The following ATP11A variants were observed in gnomAD, a reference collection of about 807,000 sequenced individuals.
The protein encoded by ATP11A is phospholipid-transporting ATPase IH.
In ATP11A, 81 loss-of-function variants were observed where a neutral mutation model predicts 154.4. The observed-to-expected ratio is 0.52, with a 90% CI of 0.44 to 0.63. ATP11A has a LOEUF of 0.63. Among genes scored for constraint, ATP11A ranks in the 30% least tolerant of loss-of-function variants. ATP11A has a pLI of 0.00. For missense variants in ATP11A, 1,316 were observed against 1,474.3 expected (o/e 0.89, Z 1.76); for synonymous variants, 623 against 585.9 (o/e 1.06, Z -0.91).
intron 2 of ATP11A, among the ~76,000 whole-genome samples, chr13:112,793,067 AC>A (rs1566490813): frequency 6.6e-6 from 1 of 152,198 alleles, no homozygotes; most frequent in Non-Finnish European, 1.5e-5. Context: ...CTGTGAGCCC[AC>A]CAATACTGAT....
rs150880558 is a variant in ATP11A at position 112,715,029 on chromosome 13, T to C, written c.39+24574T>C. On this transcript the variant is annotated intron_variant, in intron 1 of 29. Transcript: ENST00000375645. ...AAATGAGTGACTCACACAGGATTTG[T>C]CCTTTTGTGACCAGCTCATTTCACT... Among the ~76,000 whole-genome samples the C allele has an allele frequency of 9.5e-4, 145 of 152,306 alleles. 1 individual carries two copies. Among genetic ancestry groups the C allele is most frequent in the African/African-American group, 3.2e-3 (134 of 41,564 alleles).
rs113699289 is a variant in ATP11A, at chr13:112,754,291, G to A, written c.40-30844G>A. The stretch of plus-strand genomic sequence containing the variant: ...TCTGCAATCTGCCCCTTAGTGCCTC[G>A]GCTGATTCTTGGTCTTTGGAGACCT... On this transcript the variant is annotated intron_variant, in intron 1 of 29. Transcript: ENST00000375645. This position sits in a 1 kb window ranked among gnomAD's most constrained non-coding sequence, Gnocchi z 5.3. 0.014 allele frequency among the ~76,000 whole-genome samples: 2,117 copies of A among 152,188 alleles called. 45 individuals carry two copies. Among genetic ancestry groups the A allele is most frequent in the African/African-American group, 0.04 (1,645 of 41,520 alleles).
rs922027369 is a variant in ATP11A at position 112,842,325 on chromosome 13, A to G, written c.1755A>G (p.Arg585=). 4.8e-5 allele frequency: 77 copies of G among 1,611,922 alleles called. No individual in the cohort carries two copies. Among genetic ancestry groups the G allele is most frequent in the Non-Finnish European group, 6.2e-5 (73 of 1,179,126 alleles). The change falls in exon 17 of 30, where the codon CGA becomes CGG. Residue 585 remains arginine, a synonymous_variant. Coordinates refer to ENST00000375645, the MANE Select transcript of ATP11A (RefSeq NM_015205.3). ...GAGCAGATTCTTCGATATTCCCCCG[A>G]GTGATAGAAGGCAAAGTTGACCAGA... The part of the protein sequence containing the change: ...CKGADSSIFP[R]VIEGKVDQIR...
Position 112,759,779 on chromosome 13 carries a change from C to T in ATP11A, c.40-25356C>T, listed in dbSNP as rs184071595. Among the ~76,000 whole-genome samples, 17 of 152,176 alleles carry T rather than the reference C, an allele frequency of 1.1e-4. No homozygotes were observed. In the East Asian group the frequency reaches 3.1e-3, roughly 28 times the overall value. ...CCAAGAAGACAGAATGAAGTCAATT[C>T]CGAAATGGCAAATTCTTCTGTTTAT... On this transcript the variant is annotated intron_variant, in intron 1 of 29. Transcript: ENST00000375645.
chr13:112,796,639 G>A (rs1301895986), intron 2 of ATP11A, among the ~76,000 whole-genome samples: 1 of 152,190 alleles, frequency 6.6e-6, no homozygotes, highest in African/African-American at 2.4e-5. Context: ...GAACAGTAAG[G>A]TAATAAATTT....
At chr13:112,879,991 T>C (rs901889244) in intron 29 of ATP11A, among the ~76,000 whole-genome samples, 1 of 152,246 alleles carries the variant, frequency 6.6e-6, no homozygotes, top group African/African-American at 2.4e-5. Context: ...TGTTTCCTAC[T>C]TCTCCTCACC....
intron 1 of ATP11A, among the ~76,000 whole-genome samples, chr13:112,779,494 GTAAT>G (rs1594660575): frequency 1.3e-5 from 2 of 152,288 alleles, no homozygotes; most frequent in East Asian, 3.9e-4. Flanking sequence ...TTTAAAAAAA[GTAAT>G]TAATTATTGT....
chr13:112,834,501 A>G (rs945937472), intron 14 of ATP11A, 88 bp from the exon 15 acceptor site: 5 of 833,250 alleles, frequency 6.0e-6, no homozygotes, highest in Middle Eastern at 2.3e-4. Flanking sequence ...TTTGAAAAGA[A>G]CGCTTTACCA....
chr13:112,762,994 A>G lies in ATP11A; in HGVS notation c.40-22141A>G, dbSNP rs78208055. 8.2e-3 allele frequency among the ~76,000 whole-genome samples: 1,245 copies of G among 152,298 alleles called. 19 individuals carry two copies. The highest frequency in any genetic ancestry group is 0.042 in the East Asian group (219 of 5,186). On this transcript the variant is annotated intron_variant, in intron 1 of 29. Coordinates refer to ENST00000375645, the MANE Select transcript of ATP11A (RefSeq NM_015205.3). ...ACCATTCTTCAGTTTGCCCCATTTTATGCCTTTAATTTCAAAAAGCATTTG... is the reference window on the plus strand; with the variant it reads ...ACCATTCTTCAGTTTGCCCCATTTTGTGCCTTTAATTTCAAAAAGCATTTG...
chr13:112,813,643 C>T (rs1394411216), intron 5 of ATP11A, among the ~76,000 whole-genome samples: 1 of 152,184 alleles, frequency 6.6e-6, no homozygotes, highest in African/African-American at 2.4e-5. Context: ...ATTGCTGGGT[C>T]ATCTAGCATA....
intron 15 of ATP11A, among the ~76,000 whole-genome samples, chr13:112,835,452 G>C (rs1227402896): frequency 1.3e-5 from 2 of 152,232 alleles, no homozygotes; most frequent in East Asian, 3.9e-4. Flanking sequence ...GCTGGCACCA[G>C]CTGCACCCTC....
intron 6 of ATP11A, 63 bp downstream of exon 6, chr13:112,816,274 A>G (rs1039336951): frequency 6.2e-6 from 10 of 1,600,148 alleles, no homozygotes; most frequent in African/African-American, 1.3e-5. Context: ...GACTGTGCCC[A>G]TGCGGCCACA....
In ATP11A at chr13:112,854,498, C is replaced by T. The variant is rs767149231; in HGVS notation, c.2211C>T (p.His737=). ...LFELSKTVLR[H]SGSLTRDNLS... ...AGCTGAGCAAGACGGTCCTGCGCCA[C>T]AGCGGGAGCCTGACCAGAGACAACC... The change falls in exon 19 of 30, where the codon CAC becomes CAT. Residue 737 remains histidine, a synonymous_variant. Transcript: ENST00000375645. 1 of 1,611,702 alleles carries T rather than the reference C, an allele frequency of 6.2e-7. No homozygotes were observed. Among genetic ancestry groups the T allele is most frequent in the South Asian group, 1.1e-5 (1 of 91,080 alleles).
At chr13:112,716,025 G>T (rs1050415951) in intron 1 of ATP11A, among the ~76,000 whole-genome samples, 1 of 152,128 alleles carries the variant, frequency 6.6e-6, no homozygotes, top group Non-Finnish European at 1.5e-5. Context: ...GGCTGGCTCT[G>T]TGGGGGCCTG....
intron 1 of ATP11A, among the ~76,000 whole-genome samples, chr13:112,758,287 C>T (rs1331668864): frequency 3.9e-5 from 6 of 152,118 alleles, no homozygotes; most frequent in Admixed American, 3.9e-4. Context: ...GTCTCGAACT[C>T]CTGACCTCAG....
chr13:112,813,478 TG>T (rs1458857930), intron 5 of ATP11A, among the ~76,000 whole-genome samples: 1 of 152,234 alleles, frequency 6.6e-6, no homozygotes, highest in African/African-American at 2.4e-5. Context: ...CGTTCCATGA[TG>T]GGGGCGTACT....
In ATP11A at chr13:112,789,957, A is replaced by G. The variant is rs574139581; in HGVS notation, c.162+4700A>G. ...GTGGACTCCTATGTATACCTATTTA[A>G]TTCACACCGGGTGTCCTGGCGTGTA... is the stretch of plus-strand genomic sequence containing the variant. On this transcript the variant is annotated intron_variant, in intron 2 of 29. Coordinates refer to ENST00000375645, the MANE Select transcript of ATP11A (RefSeq NM_015205.3). Among the ~76,000 whole-genome samples, 6 of 151,484 alleles carry G rather than the reference A, an allele frequency of 4.0e-5. 1 individual carries two copies. In the South Asian group the frequency reaches 1.3e-3, roughly 32 times the overall value.
chr13:112,733,397 G>A (rs988763741), intron 1 of ATP11A, among the ~76,000 whole-genome samples: 20 of 152,226 alleles, frequency 1.3e-4, no homozygotes, highest in Non-Finnish European at 2.4e-4. Context: ...TTGATGCAGA[G>A]ATTCTAGGCA....
chr13:112,849,816 C>T (rs773517284), intron 17 of ATP11A, among the ~76,000 whole-genome samples: 6 of 152,218 alleles, frequency 3.9e-5, no homozygotes, highest in Non-Finnish European at 7.3e-5. Context: ...GCTGCAAGGT[C>T]GTGTGCTCAG....
Sources: allele counts gnomAD v4.1 joint callset (sites outside exome capture counted in the v4.1 genomes callset), GRCh38; gene constraint gnomAD v4.1.1; non-coding constraint Gnocchi (gnomAD v3.1); transcripts MANE v1.5; gene names NCBI Gene and HGNC (gene_info 2026-07-23, HGNC 2026-07-21).